UTRN: variants seen among roughly 807,000 people sequenced by gnomAD.
UTRN encodes dystrophin-related protein 1.
Under a neutral mutation model 463.9 loss-of-function variants are expected in UTRN, and 283 were observed. The ratio of observed to expected loss-of-function variants is 0.61; its 90% confidence interval spans 0.55 to 0.67. UTRN has a LOEUF of 0.67. Among genes scored for constraint, UTRN ranks in the 30% least tolerant of loss-of-function variants. The probability of loss-of-function intolerance (pLI) is 0.00; values close to 1 mark genes in which losing one functional copy is unlikely to be tolerated. For synonymous variants in UTRN, 1,442 were observed against 1,431.5 expected (o/e 1.01, Z -0.17); for missense variants, 3,922 against 4,084.3 (o/e 0.96, Z 1.08).
At chr6:144,463,016 C>G (rs1002423349) in intron 23 of UTRN, 150 bp downstream of exon 23, 1 of 756,678 alleles carries the variant, frequency 1.3e-6, no homozygotes, top group Non-Finnish European at 2.1e-6. Flanking sequence ...CAAAGATGTA[C>G]TTTTAATGTG....
intron 69 of UTRN, among the ~76,000 whole-genome samples, chr6:144,832,850 C>T (rs1780782202): frequency 6.6e-6 from 1 of 152,074 alleles, no homozygotes; most frequent in African/African-American, 2.4e-5. Flanking sequence ...GACAGAGTCT[C>T]ACTCTGTCGC....
chr6:144,337,139 TCACA>T (rs1776775439), intron 2 of UTRN, among the ~76,000 whole-genome samples: 1 of 136,738 alleles, frequency 7.3e-6, no homozygotes, highest in Admixed American at 7.1e-5. Context: ...ACACACAGAC[TCACA>T]CACAGAGACA....
In UTRN at chr6:144,327,869, G is replaced by A. The variant is rs12200119; in HGVS notation, c.79+35962G>A. Among the ~76,000 whole-genome samples, 211 of 151,328 alleles carry A rather than the reference G, an allele frequency of 1.4e-3. 1 individual carries two copies. The highest frequency in any genetic ancestry group is 2.8e-3 in the Admixed American group (42 of 15,214). ...TGAGGCGGGAGAATCACTTGAACCC[G>A]GGAGGTGGAGGTTGCAGTGAGCCGA... is the stretch of plus-strand genomic sequence containing the variant. On this transcript the variant is annotated intron_variant, in intron 2 of 74. Transcript: ENST00000367545.
rs1562541732 is a variant in UTRN, at chr6:144,537,624, G to T, written c.6276G>T (p.Gln2092His). 1 of 1,611,942 alleles carries T rather than the reference G, an allele frequency of 6.2e-7. No homozygotes were observed. Among genetic ancestry groups the T allele is most frequent in the Middle Eastern group, 1.7e-4 (1 of 6,056 alleles). Residue 2092 changes from glutamine (Q) to histidine (H), a missense_variant, in exon 44 of 75, where the codon CAG becomes CAT. By Grantham distance (24) the Gln-to-His change is conservative. This residue lies in a region of UTRN where 2,349 missense variants were observed against 2,303.8 expected (regional missense o/e 1.02). Transcript: ENST00000367545. ...AGCAGGTGATGAAGTACAGGCATCA[G>T]CTAGATGAGATTATCTGTTGGTTAA... ...ESKQVMKYRH[Q>H]LDEIICWLTK...
At chr6:144,414,731 T>A (rs1279984577) in intron 3 of UTRN, among the ~76,000 whole-genome samples, 1 of 142,256 alleles carries the variant, frequency 7.0e-6, no homozygotes, top group Non-Finnish European at 1.5e-5. Context: ...TTTTTTTTCG[T>A]TTGAGACAGC....
chr6:144,299,454 G>A (rs532274945), intron 2 of UTRN, among the ~76,000 whole-genome samples: 2 of 152,266 alleles, frequency 1.3e-5, no homozygotes, highest in Admixed American at 1.3e-4. Context: ...CTTTTACACT[G>A]TATTTTGAAG....
chr6:144,596,224 G>A (rs892512810), intron 51 of UTRN, among the ~76,000 whole-genome samples: 5 of 152,128 alleles, frequency 3.3e-5, no homozygotes, highest in African/African-American at 1.2e-4. Flanking sequence ...AAGCTGGAGT[G>A]ATTTCTAGAA....
intron 53 of UTRN, among the ~76,000 whole-genome samples, chr6:144,719,376 C>G (rs1291010074): frequency 6.6e-6 from 1 of 151,970 alleles, no homozygotes; most frequent in Non-Finnish European, 1.5e-5. Flanking sequence ...GTCAGGAATT[C>G]GAGACCAGCC....
At chr6:144,437,506 T>G (rs559676310) in intron 10 of UTRN, 59 bp from the exon 11 acceptor site, 7 of 1,487,066 alleles carry the variant, frequency 4.7e-6, no homozygotes, top group Admixed American at 2.3e-5. Flanking sequence ...ATTTGTTCAG[T>G]CTTCCTTTTT....
At chr6:144,561,264 T>TACAC (rs1163068252) in intron 50 of UTRN, among the ~76,000 whole-genome samples, 3 of 98,858 alleles carry the variant, frequency 3.0e-5, no homozygotes, top group African/African-American at 1.1e-4. Flanking sequence ...TATATATACA[T>TACAC]ACACACACAC....
At chr6:144,377,877 A>T (rs1780598918) in intron 2 of UTRN, among the ~76,000 whole-genome samples, 1 of 152,240 alleles carries the variant, frequency 6.6e-6, no homozygotes, top group African/African-American at 2.4e-5. Context: ...GCAGAGAGTC[A>T]TGATCAACCC....
intron 2 of UTRN, among the ~76,000 whole-genome samples, chr6:144,392,126 C>T (rs573418520): frequency 1.3e-5 from 2 of 152,232 alleles, no homozygotes; most frequent in South Asian, 4.1e-4. Flanking sequence ...AATATATTTT[C>T]AAGATGTTTT....
intron 53 of UTRN, among the ~76,000 whole-genome samples, chr6:144,711,755 A>G (rs1226253704): frequency 6.6e-6 from 1 of 152,230 alleles, no homozygotes; most frequent in African/African-American, 2.4e-5. Context: ...TGATTCAGGT[A>G]TAATTTCTTG....
intron 19 of UTRN, among the ~76,000 whole-genome samples, chr6:144,454,279 A>G (rs544364010): frequency 1.4e-3 from 208 of 152,278 alleles, no homozygotes; most frequent in African/African-American, 4.7e-3. Flanking sequence ...TTGATTTTTG[A>G]TAACTTTTAA....
At position 144,537,682 on chromosome 6, in the gene UTRN, A is replaced by G. The variant is rs1391777905; in HGVS notation, c.6334A>G (p.Thr2112Ala). 3.1e-6 allele frequency: 5 copies of G among 1,611,470 alleles called. No individual in the cohort carries two copies. Among genetic ancestry groups the G allele is most frequent in the Admixed American group, 3.4e-5 (2 of 59,572 alleles). ...TGAGCATGCTATGCAAAAGAGATCA[A>G]CCACCGAATTGGGAGAAAACCTGCA... ...KAEHAMQKRS[T>A]TELGENLQEL... Residue 2112 changes from threonine (T) to alanine (A), a missense_variant, in exon 44 of 75, where the codon ACC becomes GCC. Thr to Ala is a moderately conservative substitution (Grantham distance 58). Around this residue, in one of 3 missense-constraint regions of UTRN, gnomAD observed 2,349 missense variants for 2,303.8 expected, o/e 1.02. Coordinates refer to ENST00000367545, the MANE Select transcript of UTRN (RefSeq NM_007124.3).
intron 58 of UTRN, among the ~76,000 whole-genome samples, chr6:144,771,293 A>G (rs935783033): frequency 3.3e-5 from 5 of 152,170 alleles, no homozygotes; most frequent in African/African-American, 7.2e-5. Flanking sequence ...AAATTTTTAT[A>G]AAAAACTTTT....
At position 144,828,816 on chromosome 6, in the gene UTRN, G is replaced by T; in HGVS notation, c.9626G>T (p.Gly3209Val). 6.2e-7 allele frequency: 1 copy of T among 1,613,352 alleles called. No homozygotes were observed. The highest frequency in any genetic ancestry group is 8.5e-7 in the Non-Finnish European group (1 of 1,179,548). ...TRLAQMERTN[G>V]SFLTDSSSTT... Reference sequence around the variant, plus strand: ...CTGGCCCAGATGGAAAGGACTAATGGGTCTTTTCTCACTGATAGCAGCTCC... The same window carrying T: ...CTGGCCCAGATGGAAAGGACTAATGTGTCTTTTCTCACTGATAGCAGCTCC... The change falls in exon 69 of 75, where the codon GGG becomes GTG. Residue 3209 changes from glycine (G) to valine (V), a missense_variant. This residue lies in a region of UTRN where 1,309 missense variants were observed against 1,452.6 expected (regional missense o/e 0.90). Transcript: ENST00000367545.
chr6:144,473,626 A>C (rs1391680602), intron 23 of UTRN, 94 bp from the exon 24 acceptor site: 3 of 854,192 alleles, frequency 3.5e-6, no homozygotes, highest in African/African-American at 3.4e-5. Flanking sequence ...TCGGAGCTTT[A>C]AAAAGTTCCT....
In UTRN at chr6:144,304,652, C is replaced by G. The variant is rs188174560; in HGVS notation, c.79+12745C>G. Among the ~76,000 whole-genome samples, 296 of 152,078 alleles carry G rather than the reference C, an allele frequency of 1.9e-3. 3 individuals are homozygous for G. Among genetic ancestry groups the G allele is most frequent in the African/African-American group, 6.8e-3 (284 of 41,466 alleles). On this transcript the variant is annotated intron_variant, in intron 2 of 74. Coordinates refer to ENST00000367545, the MANE Select transcript of UTRN (RefSeq NM_007124.3). ...CTGTTAAGACAGAGGGAGTTGATGA[C>G]AAGAGGTTTGGAGGTGAGAATTGTG...
Sources: allele counts gnomAD v4.1 joint callset (sites outside exome capture counted in the v4.1 genomes callset), GRCh38; gene constraint gnomAD v4.1.1; regional missense constraint gnomAD v4.1.1; transcripts MANE v1.5; gene names NCBI Gene and HGNC (gene_info 2026-07-23, HGNC 2026-07-21).